Variants in PTPN4 observed in about 807,000 individuals in gnomAD.
PTPN4 encodes protein tyrosine phosphatase non-receptor type 4.
In PTPN4, 49 loss-of-function variants were observed where a neutral mutation model predicts 135.5. The observed-to-expected ratio is 0.36, with a 90% CI of 0.29 to 0.46. PTPN4 has a LOEUF of 0.46. PTPN4 is among the 20% of genes least tolerant of loss of function. PTPN4 has a pLI of 1.00. For missense variants in PTPN4, 860 were observed against 1,101.0 expected, an observed-to-expected ratio of 0.78 and a Z score of 3.10; for synonymous variants, 333 against 369.9, an observed-to-expected ratio of 0.90 and a Z score of 1.14.
At chr2:119,809,284 A>T (rs934324916) in intron 1 of PTPN4, among the ~76,000 whole-genome samples, 11 of 151,738 alleles carry the variant, frequency 7.2e-5, no homozygotes, top group African/African-American at 2.7e-4. Flanking sequence ...AAGATTGGTC[A>T]CCATTTCTAT....
Position 119,984,077 on chromosome 2 carries a change from A to T in PTPN4, c.*7007A>T, listed in dbSNP as rs1474370927. ...TTCTGCCAGTAGACTCTATCTGCTT[A>T]AAAAAATAAAAATTGTTCAACCCAG... is the stretch of plus-strand genomic sequence containing the variant. On this transcript the variant is annotated 3_prime_UTR_variant, in exon 27 of 27. Transcript: ENST00000263708. 6.6e-6 allele frequency among the ~76,000 whole-genome samples: 1 copy of T among 152,200 alleles called. No individual in the cohort carries two copies. Among genetic ancestry groups the T allele is most frequent in the African/African-American group, 2.4e-5 (1 of 41,446 alleles).
At chr2:119,915,320 A>G (rs534661657) in intron 11 of PTPN4, 78 bp downstream of exon 11, 1 of 1,217,738 alleles carries the variant, frequency 8.2e-7, no homozygotes, top group Non-Finnish European at 1.1e-6. Context: ...CTTTTCTATT[A>G]TTAGTACAAG....
At chr2:119,899,132 G>T (rs1382823601) in intron 9 of PTPN4, among the ~76,000 whole-genome samples, 1 of 152,104 alleles carries the variant, frequency 6.6e-6, no homozygotes, top group Non-Finnish European at 1.5e-5. Context: ...TCAGTTTGGG[G>T]TTCTCCATTC....
At chr2:119,809,764 A>T in intron 1 of PTPN4, 73 bp from the exon 2 acceptor site, 1 of 1,278,032 alleles carries the variant, frequency 7.8e-7, no homozygotes, top group Admixed American at 2.8e-5. Context: ...AATATATAAT[A>T]ACTTTGCCTT....
At chr2:119,836,989 G>A (rs1196569426) in intron 2 of PTPN4, among the ~76,000 whole-genome samples, 1 of 152,210 alleles carries the variant, frequency 6.6e-6, no homozygotes, top group Non-Finnish European at 1.5e-5. Context: ...GATGGCGGCA[G>A]GAAGCTGACA....
In PTPN4 at chr2:119,835,640, G is replaced by A. The variant is rs189378797; in HGVS notation, c.138+25649G>A. Among the ~76,000 whole-genome samples, 80 of 152,250 alleles carry A rather than the reference G, an allele frequency of 5.3e-4. 1 individual carries two copies. In the East Asian group the frequency reaches 0.014, roughly 26 times the overall value. On this transcript the variant is annotated intron_variant, in intron 2 of 26. Transcript: ENST00000263708. ...TCACTGTTAAGTCTGTATGCCTTTG[G>A]ACTAAACATTATGGAACGAACTGGT... is the stretch of plus-strand genomic sequence containing the variant.
rs550033688 is a variant in PTPN4, at chr2:119,909,917, G to T, written c.765-5262G>T. Among the ~76,000 whole-genome samples the T allele has an allele frequency of 1.5e-4, 23 of 152,210 alleles. 1 individual carries two copies. In the South Asian group the frequency reaches 4.8e-3, roughly 32 times the overall value. ...AAGATGGGGTAGGGGATGAATTGCT[G>T]CAATCTCATGATAAAACTTGAATAG... On this transcript the variant is annotated intron_variant, in intron 10 of 26. Transcript: ENST00000263708.
intron 10 of PTPN4, among the ~76,000 whole-genome samples, chr2:119,913,512 A>G (rs1412975579): frequency 6.6e-6 from 1 of 152,162 alleles, no homozygotes; most frequent in African/African-American, 2.4e-5. Context: ...AATCTGAGCC[A>G]GATGCAGTGG....
chr2:119,838,602 C>G (rs755814973), intron 2 of PTPN4, among the ~76,000 whole-genome samples: 4 of 152,228 alleles, frequency 2.6e-5, no homozygotes, highest in Non-Finnish European at 5.9e-5. Context: ...AGTGATAAAG[C>G]TAAATAAGAT....
chr2:119,955,349 A>C, intron 20 of PTPN4, 26 bp downstream of exon 20: 1 of 1,504,746 alleles, frequency 6.6e-7, no homozygotes, highest in Non-Finnish European at 8.9e-7. Context: ...ATATATTAAA[A>C]GCATTTTGCT....
At position 119,775,096 on chromosome 2, in the gene PTPN4, GAAAAAAAAAAAAAAA is replaced by G. The variant is rs35234122; in HGVS notation, c.-18+14727_-18+14741del. ...AATGCAGATGAAGGTGCCCTATTCT[GAAAAAAAAAAAAAAA>G]AAAAAAAAAAAAAAGCCACAAAGGA... On this transcript the variant is annotated intron_variant, in intron 1 of 26. Transcript: ENST00000263708. Among the ~76,000 whole-genome samples the G allele has an allele frequency of 1.8e-3, 119 of 66,758 alleles. 1 individual carries two copies. The highest frequency in any genetic ancestry group is 6.2e-3 in the South Asian group (12 of 1,938). 43.8% of individuals were successfully genotyped at this position (66,758 alleles called of 152,430 possible).
chr2:119,780,485 A>G (rs928458225), intron 1 of PTPN4, among the ~76,000 whole-genome samples: 2 of 152,196 alleles, frequency 1.3e-5, no homozygotes, highest in African/African-American at 4.8e-5. Context: ...AGGTTGTTTT[A>G]TCTTTTTAAA....
intron 11 of PTPN4, chr2:119,916,705 C>T (rs1678659085): frequency 1.3e-5 from 2 of 152,140 alleles, no homozygotes; most frequent in African/African-American, 4.8e-5. Flanking sequence ...ACATTACTCT[C>T]ATTTGTATGA....
chr2:119,905,371 C>A (rs1316671740), intron 10 of PTPN4, among the ~76,000 whole-genome samples: 4 of 151,892 alleles, frequency 2.6e-5, no homozygotes. Context: ...TGTAAAAAAC[C>A]ATAAAAAGAG....
intron 15 of PTPN4, among the ~76,000 whole-genome samples, chr2:119,941,412 A>AGT (rs3084705): frequency 0.043 from 6,377 of 148,256 alleles, 326 homozygotes; most frequent in African/African-American, 0.12. Context: ...TAGACTTCAG[A>AGT]GTGTGTGTGT....
chr2:119,930,314 G>A (rs1441810723), intron 13 of PTPN4, among the ~76,000 whole-genome samples: 1 of 152,062 alleles, frequency 6.6e-6, no homozygotes, highest in African/African-American at 2.4e-5. Context: ...AATGTCATTA[G>A]GCCAAACTAA....
At chr2:119,804,897 C>G (rs947925545) in intron 1 of PTPN4, among the ~76,000 whole-genome samples, 2 of 152,198 alleles carry the variant, frequency 1.3e-5, no homozygotes, top group African/African-American at 4.8e-5. Flanking sequence ...CTCCCACCAA[C>G]AGTGTAAAAG....
At chr2:119,764,672 C>T (rs1339487388) in intron 1 of PTPN4, among the ~76,000 whole-genome samples, 1 of 151,236 alleles carries the variant, frequency 6.6e-6, no homozygotes, top group Non-Finnish European at 1.5e-5. Flanking sequence ...ATGTTACCTA[C>T]TCTGTTTCCT....
intron 1 of PTPN4, among the ~76,000 whole-genome samples, chr2:119,761,803 C>T (rs1207314522): frequency 6.6e-6 from 1 of 152,028 alleles, no homozygotes; most frequent in Non-Finnish European, 1.5e-5. Flanking sequence ...TTTTAAAATC[C>T]AAGGAGGCAC....
Sources: allele counts gnomAD v4.1 joint callset (sites outside exome capture counted in the v4.1 genomes callset), GRCh38; gene constraint gnomAD v4.1.1; transcripts MANE v1.5; gene names NCBI Gene and HGNC (gene_info 2026-07-23, HGNC 2026-07-21).